Variants in FAM110B observed in about 807,000 individuals in gnomAD.
FAM110B encodes family with sequence similarity 110 member B.
In FAM110B, 6 loss-of-function variants were observed where a neutral mutation model predicts 20.4. The observed-to-expected ratio is 0.29, with a 90% CI of 0.16 to 0.58. The LOEUF (loss-of-function observed/expected upper bound fraction) is 0.58. FAM110B is among the 20% of genes least tolerant of loss of function. The pLI is 0.90. For missense variants in FAM110B, 434 were observed against 498.2 expected, an observed-to-expected ratio of 0.87 and a Z score of 1.23; for synonymous variants, 226 against 214.1, an observed-to-expected ratio of 1.06 and a Z score of -0.49.
chr8:58,110,464 T>G (rs1807032668), intron 3 of FAM110B, among the ~76,000 whole-genome samples: 1 of 152,208 alleles, frequency 6.6e-6, no homozygotes, highest in Non-Finnish European at 1.5e-5. Context: ...TCAGAAGGTA[T>G]GTATTAGGAT....
Position 58,146,949 on chromosome 8 carries a change from A to G in FAM110B, c.719A>G (p.Glu240Gly), listed in dbSNP as rs1803882501. 1.3e-5 allele frequency: 21 copies of G among 1,614,056 alleles called. No homozygotes were observed. The highest frequency in any genetic ancestry group is 1.8e-5 in the Non-Finnish European group (21 of 1,180,040). Residue 240 changes from glutamate to glycine, a missense_variant, in exon 4 of 4, where the codon GAG becomes GGG. Physicochemically the swap from Glu to Gly is moderately conservative, Grantham distance 98 (BLOSUM62 -2). Around this residue, in one of 3 missense-constraint regions of FAM110B, gnomAD observed 284 missense variants for 278.3 expected, o/e 1.02. Coordinates refer to ENST00000519262, the MANE Select transcript of FAM110B (RefSeq NM_001377989.1). Reference protein sequence around the residue: ...IAAIASMKSPEADPVEPACGV... With the variant: ...IAAIASMKSPGADPVEPACGV... ...GCCATCGCCTCCATGAAGTCCCCCGAGGCCGACCCTGTGGAACCAGCTTGT... is the reference window on the plus strand; with the variant it reads ...GCCATCGCCTCCATGAAGTCCCCCGGGGCCGACCCTGTGGAACCAGCTTGT...
At chr8:58,075,273 T>TGTGTGTGTGTGTGTGTGTGTGTGTGTGTG (rs58047108) in intron 2 of FAM110B, among the ~76,000 whole-genome samples, 3 of 144,974 alleles carry the variant, frequency 2.1e-5, no homozygotes, top group African/African-American at 8.3e-5. Context: ...TTTTTTTTTT[T>TGTGTGTGTGTGTGTGTGTGTGTGTGTGTG]TTTGTGTGTG....
intron 1 of FAM110B, among the ~76,000 whole-genome samples, chr8:58,029,201 A>G (rs921799590): frequency 3.9e-5 from 6 of 152,238 alleles, no homozygotes; most frequent in Non-Finnish European, 4.4e-5. Context: ...TCTACTTTCA[A>G]AACTGCTTAT....
chr8:58,006,925 T>TATATATG (rs1563494782), intron 1 of FAM110B, among the ~76,000 whole-genome samples: 1 of 55,808 alleles, frequency 1.8e-5, no homozygotes, highest in African/African-American at 5.7e-5. Flanking sequence ...ATATATATAT[T>TATATATG]TTTCCAAAAC....
intron 3 of FAM110B, among the ~76,000 whole-genome samples, chr8:58,105,681 G>GCTT (rs1218440106): frequency 7.1e-6 from 1 of 140,738 alleles, no homozygotes; most frequent in East Asian, 2.1e-4. Context: ...CCATTCTCCT[G>GCTT]CTTCAGCCTC....
rs186091112 is a variant in FAM110B at position 58,085,551 on chromosome 8, A to G, written c.-325+9928A>G. 3.4e-3 allele frequency among the ~76,000 whole-genome samples: 517 copies of G among 152,310 alleles called. 5 individuals carry two copies. Among genetic ancestry groups the G allele is most frequent in the Non-Finnish European group, 4.6e-3 (312 of 68,018 alleles). On this transcript the variant is annotated intron_variant, in intron 3 of 3. Coordinates refer to ENST00000519262, the MANE Select transcript of FAM110B (RefSeq NM_001377989.1). ...AAAAGTTGATACACTTCTAGATTTA[A>G]TTTAAGATTTTGACCATTGGCCTAT... is the stretch of plus-strand genomic sequence containing the variant.
At chr8:58,068,119 C>T (rs1312309190) in intron 2 of FAM110B, among the ~76,000 whole-genome samples, 1 of 152,172 alleles carries the variant, frequency 6.6e-6, no homozygotes, top group Non-Finnish European at 1.5e-5. Flanking sequence ...TAGATGTTTC[C>T]TAGAGAAATG....
At chr8:58,099,619 T>C (rs1219364630) in intron 3 of FAM110B, among the ~76,000 whole-genome samples, 1 of 152,228 alleles carries the variant, frequency 6.6e-6, no homozygotes, top group Non-Finnish European at 1.5e-5. Context: ...CTGGGCAGAT[T>C]TAGTACTCTC....
At chr8:58,031,950 CT>C (rs1283324076) in intron 2 of FAM110B, among the ~76,000 whole-genome samples, 1 of 152,202 alleles carries the variant, frequency 6.6e-6, no homozygotes, top group Non-Finnish European at 1.5e-5. Context: ...AGCACACACA[CT>C]TTATTCCAAC....
rs554369573 is a variant in FAM110B, at chr8:58,106,396, G to A, written c.-325+30773G>A. 3.9e-5 allele frequency: 6 copies of A among 152,208 alleles called. No homozygotes were observed. In the East Asian group the frequency reaches 1.2e-3, roughly 29 times the overall value. The allele number at this position is 152,208 out of a possible 1,614,324, so 9.4% of individuals were successfully genotyped here. On this transcript the variant is annotated intron_variant, in intron 3 of 3. Coordinates refer to ENST00000519262, the MANE Select transcript of FAM110B (RefSeq NM_001377989.1). Reference sequence around the variant, plus strand: ...CCCACCAAGAGTGATAACTCATGTGGAATTTTACAAAAATAGATTTAAAAG... The same window carrying A: ...CCCACCAAGAGTGATAACTCATGTGAAATTTTACAAAAATAGATTTAAAAG...
At chr8:58,080,190 C>G (rs1310618782) in intron 3 of FAM110B, among the ~76,000 whole-genome samples, 1 of 152,236 alleles carries the variant, frequency 6.6e-6, no homozygotes, top group African/African-American at 2.4e-5. Flanking sequence ...CTATCCAGCC[C>G]TTGCACACCA....
chr8:58,087,945 A>G (rs1306818403), intron 3 of FAM110B, among the ~76,000 whole-genome samples: 1 of 152,176 alleles, frequency 6.6e-6, no homozygotes, highest in Non-Finnish European at 1.5e-5. Context: ...GTCTTACAAA[A>G]CTAATTTGTA....
At chr8:58,012,993 A>T (rs1804569210) in intron 1 of FAM110B, among the ~76,000 whole-genome samples, 1 of 151,888 alleles carries the variant, frequency 6.6e-6, no homozygotes, top group African/African-American at 2.4e-5. Flanking sequence ...CCCTGCTGGG[A>T]TGGCTCCCAG....
At chr8:58,057,992 C>T (rs1805582682) in intron 2 of FAM110B, among the ~76,000 whole-genome samples, 1 of 152,208 alleles carries the variant, frequency 6.6e-6, no homozygotes, top group South Asian at 2.1e-4. Context: ...GACCATTTTG[C>T]CCCTTGGGGC....
chr8:58,070,212 T>G (rs527611552), intron 2 of FAM110B: 2 of 152,352 alleles, frequency 1.3e-5, no homozygotes, highest in South Asian at 4.1e-4. Flanking sequence ...TATGCTGCAT[T>G]AGAGACATAG....
rs1019252437 is a variant in FAM110B at position 58,148,742 on chromosome 8, A to C, written c.*1399A>C. 2 of 167,132 alleles carry C rather than the reference A, an allele frequency of 1.2e-5. No individual in the cohort carries two copies. The highest frequency in any genetic ancestry group is 2.9e-5 in the Non-Finnish European group (2 of 68,134). The allele number at this position is 167,132 out of a possible 1,614,324, so 10.4% of individuals were successfully genotyped here. A position where few individuals can be genotyped will look rare whatever the true frequency, so the allele number is the denominator to read the frequency against. On this transcript the variant is annotated 3_prime_UTR_variant, in exon 4 of 4. Coordinates refer to ENST00000519262, the MANE Select transcript of FAM110B (RefSeq NM_001377989.1). ...TCAGTTGTTATGAAATCTTTAAAGA[A>C]AAAAAGAAAAAGTTACGCTAATAAA... is the stretch of plus-strand genomic sequence containing the variant.
intron 2 of FAM110B, among the ~76,000 whole-genome samples, chr8:58,036,283 G>A (rs771033177): frequency 1.3e-5 from 2 of 152,102 alleles, no homozygotes; most frequent in Non-Finnish European, 2.9e-5. Flanking sequence ...ACAGTATTAC[G>A]CCTGAATTTC....
chr8:58,078,335 C>T (rs1416387119), intron 3 of FAM110B, among the ~76,000 whole-genome samples: 2 of 152,070 alleles, frequency 1.3e-5, no homozygotes, highest in South Asian at 2.1e-4. Context: ...GAATATGAAA[C>T]GTCCTGAGTA....
chr8:58,122,081 A>C (rs1252485980), intron 3 of FAM110B, among the ~76,000 whole-genome samples: 1 of 152,158 alleles, frequency 6.6e-6, no homozygotes, highest in South Asian at 2.1e-4. Flanking sequence ...TCTTTATTCT[A>C]TCCTTCTGCT....
Sources: allele counts gnomAD v4.1 joint callset (sites outside exome capture counted in the v4.1 genomes callset), GRCh38; gene constraint gnomAD v4.1.1; regional missense constraint gnomAD v4.1.1; transcripts MANE v1.5; gene names NCBI Gene and HGNC (gene_info 2026-07-23, HGNC 2026-07-21).